WDR93: variants seen among roughly 807,000 people sequenced by gnomAD.
The protein encoded by WDR93 is WD repeat domain 93.
In WDR93, 73 loss-of-function variants were observed where a neutral mutation model predicts 82.9. The observed-to-expected ratio is 0.88, with a 90% CI of 0.73 to 1.07. WDR93 has a LOEUF of 1.07. Among genes scored for constraint, WDR93 ranks in the 50% least tolerant of loss-of-function variants. WDR93 has a pLI of 0.00. For synonymous variants in WDR93, 283 were observed against 300.1 expected, an observed-to-expected ratio of 0.94 and a Z score of 0.59; for missense variants, 738 against 826.0, an observed-to-expected ratio of 0.89 and a Z score of 1.31.
intron 4 of WDR93, among the ~76,000 whole-genome samples, chr15:89,710,516 G>A (rs995096159): frequency 3.9e-5 from 6 of 152,054 alleles, no homozygotes; most frequent in Non-Finnish European, 8.8e-5. Context: ...TTACAGGGAC[G>A]TATAAGTTTG....
chr15:89,697,424 G>A (rs1240380427), intron 1 of WDR93, among the ~76,000 whole-genome samples: 1 of 152,100 alleles, frequency 6.6e-6, no homozygotes, highest in East Asian at 1.9e-4. Context: ...CTAATATTTT[G>A]AGGTCTTGTA....
intron 5 of WDR93, chr15:89,714,100 G>A (rs1966131604): frequency 6.6e-6 from 1 of 152,268 alleles, no homozygotes. Context: ...TCAAATATTG[G>A]TCAGAAGAAT....
rs540872950 is a variant in WDR93 at position 89,693,060 on chromosome 15, A to C, written c.-41+2203A>C. ...ATGTTGTGCACATCAGTAGTTTGTA[A>C]TTTTTTATTCCACAATGTGAATGTA... is the stretch of plus-strand genomic sequence containing the variant. On this transcript the variant is annotated intron_variant, in intron 1 of 16. Coordinates refer to ENST00000268130, the MANE Select transcript of WDR93 (RefSeq NM_020212.2). Among the ~76,000 whole-genome samples the C allele has an allele frequency of 2.6e-5, 4 of 152,244 alleles. No individual in the cohort carries two copies. In the East Asian group the frequency reaches 7.7e-4, roughly 29 times the overall value.
intron 4 of WDR93, among the ~76,000 whole-genome samples, chr15:89,711,452 A>G (rs1026178403): frequency 6.6e-6 from 1 of 151,788 alleles, no homozygotes; most frequent in African/African-American, 2.4e-5. Context: ...CTTGCAAGCC[A>G]GGAGTTCAAG....
rs531088493 is a variant in WDR93 at position 89,723,724 on chromosome 15, A to G, written c.880+1585A>G. Among the ~76,000 whole-genome samples, 16 of 152,372 alleles carry G rather than the reference A, an allele frequency of 1.1e-4. 1 individual carries two copies. The highest frequency in any genetic ancestry group is 1.0e-3 in the Admixed American group (16 of 15,298). ...CATAAATGGACACTTGATGCATTACAGAGGCAGCGCTATGGAGCTCTGGAG... is the reference window on the plus strand; with the variant it reads ...CATAAATGGACACTTGATGCATTACGGAGGCAGCGCTATGGAGCTCTGGAG... On this transcript the variant is annotated intron_variant, in intron 8 of 16. Coordinates refer to ENST00000268130, the MANE Select transcript of WDR93 (RefSeq NM_020212.2).
chr15:89,743,192 G>A (rs926669755), intron 16 of WDR93, 100 bp from the exon 17 acceptor site: 5 of 1,184,548 alleles, frequency 4.2e-6, no homozygotes, highest in Admixed American at 1.8e-5. Context: ...TCCTCTTAGA[G>A]TTTCTCATAG....
intron 4 of WDR93, among the ~76,000 whole-genome samples, chr15:89,710,064 G>C (rs1472322597): frequency 1.3e-5 from 2 of 152,186 alleles, no homozygotes; most frequent in Admixed American, 6.5e-5. Flanking sequence ...GGAGGCTGAG[G>C]CAGGAGAATT....
At chr15:89,729,224 GC>G in intron 10 of WDR93, 131 bp downstream of exon 10, 1 of 809,072 alleles carries the variant, frequency 1.2e-6, no homozygotes, top group Non-Finnish European at 2.1e-6. Flanking sequence ...GAGTTTGGTT[GC>G]CAGCTGTAGC....
Position 89,733,050 on chromosome 15 carries a change from C to A in WDR93, c.1375C>A (p.Gln459Lys). The A allele has an allele frequency of 1.9e-6, 3 of 1,614,152 alleles. No homozygotes were observed. The highest frequency in any genetic ancestry group is 2.5e-6 in the Non-Finnish European group (3 of 1,180,040). The change falls in exon 13 of 17, where the codon CAA (glutamine) becomes AAA (lysine). Residue 459 changes from glutamine to lysine, a missense_variant. Physicochemically the swap from Gln to Lys is moderately conservative, Grantham distance 53. Transcript: ENST00000268130. Reference protein sequence around the residue: ...VAALPQGCFCQSIHFLKYFSV... With the variant: ...VAALPQGCFCKSIHFLKYFSV... ...TGCTCTTCCTCAGGGATGTTTCTGC[C>A]AAAGCATTCACTTCCTAAAATATTT...
At chr15:89,720,077 G>C (rs570320270) in intron 7 of WDR93, among the ~76,000 whole-genome samples, 2 of 151,902 alleles carry the variant, frequency 1.3e-5, no homozygotes, top group Admixed American at 6.6e-5. Flanking sequence ...GGGATTATAG[G>C]CCTGAGCACT....
At chr15:89,712,390 A>C (rs1470948976) in intron 5 of WDR93, among the ~76,000 whole-genome samples, 1 of 120,686 alleles carries the variant, frequency 8.3e-6, no homozygotes, top group African/African-American at 4.1e-5. Context: ...TAGTTTTTCC[A>C]CTAATCTTTT....
Position 89,732,804 on chromosome 15 carries a change from GA to G in WDR93, c.1331-201del, listed in dbSNP as rs1228952995. 2.5e-3 allele frequency among the ~76,000 whole-genome samples: 381 copies of G among 152,174 alleles called. 4 individuals carry two copies. Among genetic ancestry groups the G allele is most frequent in the Admixed American group, 2.7e-3 (41 of 15,272 alleles). Reference sequence around the variant, plus strand: ...TCTCCCCCTCCCCAATTCCTCTCCAGACACAGCAGCATTCCCCTGCAGGGGG... The same window carrying G: ...TCTCCCCCTCCCCAATTCCTCTCCAGCACAGCAGCATTCCCCTGCAGGGGG... On this transcript the variant is annotated intron_variant, in intron 12 of 16. Transcript: ENST00000268130.
chr15:89,712,394 A>ATTTTT (rs1177405888), intron 5 of WDR93, among the ~76,000 whole-genome samples: 11 of 61,674 alleles, frequency 1.8e-4, no homozygotes, highest in African/African-American at 9.3e-4. Context: ...TTTTCCACTA[A>ATTTTT]TCTTTTTTTT....
chr15:89,722,121 C>G lies in WDR93; in HGVS notation c.862C>G (p.Pro288Ala), dbSNP rs1966551870. ...TCCAGTTTACATAATGAAGATCAAA[C>G]CACCTAAGCCTGTTACAGGTAAGTG... Reference protein sequence around the residue: ...SLPVYIMKIKPPKPVTGTTFK... With the variant: ...SLPVYIMKIKAPKPVTGTTFK... Residue 288 changes from proline (P) to alanine (A), a missense_variant, in exon 8 of 17, where the codon CCA becomes GCA. Coordinates refer to ENST00000268130, the MANE Select transcript of WDR93 (RefSeq NM_020212.2). 4 of 1,605,922 alleles carry G rather than the reference C, an allele frequency of 2.5e-6. No individual in the cohort carries two copies. Among genetic ancestry groups the G allele is most frequent in the Non-Finnish European group, 3.4e-6 (4 of 1,176,726 alleles).
intron 4 of WDR93, among the ~76,000 whole-genome samples, chr15:89,709,945 G>A (rs1210806609): frequency 6.6e-6 from 1 of 152,064 alleles, no homozygotes; most frequent in Non-Finnish European, 1.5e-5. Flanking sequence ...CGGATCACGA[G>A]GTCAGTAGAA....
intron 4 of WDR93, among the ~76,000 whole-genome samples, chr15:89,711,134 G>A (rs570208994): frequency 6.6e-6 from 1 of 152,286 alleles, no homozygotes; most frequent in East Asian, 1.9e-4. Context: ...ATATGATGCA[G>A]TAGGAAGGAC....
Position 89,694,977 on chromosome 15 carries a change from T to G in WDR93, c.-41+4120T>G, listed in dbSNP as rs536075952. On this transcript the variant is annotated intron_variant, in intron 1 of 16. Coordinates refer to ENST00000268130, the MANE Select transcript of WDR93 (RefSeq NM_020212.2). ...ATTGTCTTTGTGCTTGTGTCAAAAA[T>G]AAGTTCTCCATATATGTTTGCATCT... Among the ~76,000 whole-genome samples, 104 of 152,342 alleles carry G rather than the reference T, an allele frequency of 6.8e-4. 1 individual carries two copies. Among genetic ancestry groups the G allele is most frequent in the Admixed American group, 2.0e-3 (30 of 15,304 alleles).
chr15:89,733,155 G>A lies in WDR93; in HGVS notation c.1480G>A (p.Ala494Thr), dbSNP rs573471914. 2.0e-5 allele frequency: 32 copies of A among 1,613,998 alleles called. No individual in the cohort carries two copies. The highest frequency in any genetic ancestry group is 5.5e-5 in the South Asian group (5 of 91,078). ...GAAATGTGTGGTGCTGTGCACAGACGCCTCCCTCCATCTGGTGGAGGCTAG... is the reference window on the plus strand; with the variant it reads ...GAAATGTGTGGTGCTGTGCACAGACACCTCCCTCCATCTGGTGGAGGCTAG... Reference protein sequence around the residue: ...QMKCVVLCTDASLHLVEASGT... With the variant: ...QMKCVVLCTDTSLHLVEASGT... The change falls in exon 13 of 17, where the codon GCC (alanine) becomes ACC (threonine). Residue 494 changes from alanine (A) to threonine (T), a missense_variant. Transcript: ENST00000268130.
In WDR93 at chr15:89,715,698, C is replaced by T. The variant is rs1966216973; in HGVS notation, c.756+603C>T. ...TCCCGGGTTCAAGCAATTCTCTTGC[C>T]TCAGCCTCCTGAGTAGCTGGGACTA... On this transcript the variant is annotated intron_variant, in intron 6 of 16. Transcript: ENST00000268130. Among the ~76,000 whole-genome samples, 3 of 152,226 alleles carry T rather than the reference C, an allele frequency of 2.0e-5. No individual in the cohort carries two copies. The South Asian group carries it at 6.2e-4, about 32-fold the overall frequency.
Sources: allele counts gnomAD v4.1 joint callset (sites outside exome capture counted in the v4.1 genomes callset), GRCh38; gene constraint gnomAD v4.1.1; transcripts MANE v1.5; gene names NCBI Gene and HGNC (gene_info 2026-07-23, HGNC 2026-07-21).